Variants in GALNT17 observed in about 807,000 individuals in gnomAD.
GALNT17 encodes the protein polypeptide N-acetylgalactosaminyltransferase 17.
GALNT17 carries 29 observed loss-of-function variants against 63.7 expected under a neutral mutation model. The observed-to-expected ratio is 0.46, with a 90% CI of 0.34 to 0.62. The LOEUF (loss-of-function observed/expected upper bound fraction) is 0.62. GALNT17 is among the 20% of genes least tolerant of loss of function. The pLI, the probability that GALNT17 is intolerant of heterozygous loss-of-function variation, is 0.01. For missense variants in GALNT17, 603 were observed against 799.6 expected (o/e 0.75, Z 2.97); for synonymous variants, 305 against 318.3 (o/e 0.96, Z 0.45).
intron 5 of GALNT17, among the ~76,000 whole-genome samples, chr7:71,554,230 T>C (rs1446725035): frequency 1.3e-5 from 2 of 151,992 alleles, no homozygotes; most frequent in Admixed American, 1.3e-4. Flanking sequence ...CAGTGGGAGG[T>C]AGTTGAATCC....
chr7:71,212,153 G>A (rs1294578307), intron 1 of GALNT17, among the ~76,000 whole-genome samples: 4 of 152,174 alleles, frequency 2.6e-5, no homozygotes, highest in African/African-American at 9.6e-5. Context: ...CCTGGCCCAG[G>A]GTCCCTGTGC....
In GALNT17 at chr7:71,625,287, G is replaced by C. The variant is rs558100771; in HGVS notation, c.1081-40124G>C. Among the ~76,000 whole-genome samples the C allele has an allele frequency of 2.0e-5, 3 of 152,196 alleles. No individual in the cohort carries two copies. The East Asian group carries it at 5.8e-4, about 30-fold the overall frequency. ...AGCCTCCCGAGTAGCTGGAATTACA[G>C]ATGTGTGCCACCACACCTGGCCAAT... On this transcript the variant is annotated intron_variant, in intron 6 of 10. Coordinates refer to ENST00000333538, the MANE Select transcript of GALNT17 (RefSeq NM_022479.3).
chr7:71,151,562 A>C (rs2116216024), intron 1 of GALNT17, among the ~76,000 whole-genome samples: 1 of 151,552 alleles, frequency 6.6e-6, no homozygotes, highest in Middle Eastern at 3.4e-3. Context: ...CAGAGCTTGC[A>C]GTGAGCCGAG....
intron 5 of GALNT17, among the ~76,000 whole-genome samples, chr7:71,479,012 C>G (rs1787769700): frequency 6.6e-6 from 1 of 152,190 alleles, no homozygotes; most frequent in South Asian, 2.1e-4. Context: ...GGAAATATCT[C>G]AGAGACCAAA....
chr7:71,493,811 G>T (rs891334603), intron 5 of GALNT17, among the ~76,000 whole-genome samples: 1 of 152,096 alleles, frequency 6.6e-6, no homozygotes, highest in Non-Finnish European at 1.5e-5. Context: ...CTCCTTGCCT[G>T]TCTTTACCTG....
intron 1 of GALNT17, among the ~76,000 whole-genome samples, chr7:71,299,270 G>A (rs1791146847): frequency 6.6e-6 from 1 of 152,130 alleles, no homozygotes; most frequent in South Asian, 2.1e-4. Flanking sequence ...CTCTTGGATG[G>A]TGTTTTAATC....
intron 1 of GALNT17, among the ~76,000 whole-genome samples, chr7:71,320,413 A>AC (rs1476822592): frequency 1.3e-5 from 2 of 151,770 alleles, no homozygotes; most frequent in Non-Finnish European, 2.9e-5. Flanking sequence ...ATTTTGAAAA[A>AC]AAAAAAAAAA....
chr7:71,302,424 G>T (rs1288541051), intron 1 of GALNT17, among the ~76,000 whole-genome samples: 1 of 152,198 alleles, frequency 6.6e-6, no homozygotes, highest in Non-Finnish European at 1.5e-5. Context: ...CTGGCATGGG[G>T]CTTCAGCTGT....
chr7:71,514,404 G>C lies in GALNT17; in HGVS notation c.963-56881G>C, dbSNP rs111943442. Among the ~76,000 whole-genome samples, 523 of 152,150 alleles carry C rather than the reference G, an allele frequency of 3.4e-3. 3 individuals carry two copies. Among genetic ancestry groups the C allele is most frequent in the African/African-American group, 0.012 (486 of 41,490 alleles). On this transcript the variant is annotated intron_variant, in intron 5 of 10. Transcript: ENST00000333538. ...GAACCCTATTGAGCTCATAAACAGT[G>C]GGGGGTGGAGGGCCCTTTTTGGGAC...
intron 6 of GALNT17, among the ~76,000 whole-genome samples, chr7:71,609,215 G>A (rs1039785930): frequency 1.3e-5 from 2 of 152,270 alleles, no homozygotes; most frequent in Admixed American, 6.5e-5. Flanking sequence ...GCATTGGTTC[G>A]TTTATTCTGA....
At chr7:71,694,105 T>C (rs895768879) in intron 9 of GALNT17, among the ~76,000 whole-genome samples, 2 of 152,222 alleles carry the variant, frequency 1.3e-5, no homozygotes, top group Non-Finnish European at 2.9e-5. Flanking sequence ...TCTTCCCTGG[T>C]GGCAGACAAG....
chr7:71,598,124 A>G (rs1266258894), intron 6 of GALNT17, among the ~76,000 whole-genome samples: 1 of 151,948 alleles, frequency 6.6e-6, no homozygotes, highest in South Asian at 2.1e-4. Context: ...TTGTATTTTT[A>G]GTAGAGATGG....
intron 2 of GALNT17, among the ~76,000 whole-genome samples, chr7:71,369,807 T>C (rs1401867161): frequency 7.6e-6 from 1 of 132,390 alleles, no homozygotes; most frequent in Non-Finnish European, 1.6e-5. Context: ...GTGAGGCTTT[T>C]TGTCAAAAAA....
intron 1 of GALNT17, among the ~76,000 whole-genome samples, chr7:71,142,272 G>A (rs1039461292): frequency 3.3e-5 from 5 of 152,206 alleles, no homozygotes; most frequent in African/African-American, 1.2e-4. Context: ...GAGGTGAGAG[G>A]GGGTCCTTTT....
intron 5 of GALNT17, among the ~76,000 whole-genome samples, chr7:71,477,861 T>C (rs1027250987): frequency 2.0e-5 from 3 of 152,152 alleles, no homozygotes; most frequent in Non-Finnish European, 4.4e-5. Flanking sequence ...CCTATGGGGT[T>C]TCCAACCCCA....
chr7:71,144,531 C>A (rs544139317), intron 1 of GALNT17, among the ~76,000 whole-genome samples: 1 of 152,238 alleles, frequency 6.6e-6, no homozygotes, highest in African/African-American at 2.4e-5. Flanking sequence ...TGGAAGGATA[C>A]ATTTGTAATG....
intron 6 of GALNT17, among the ~76,000 whole-genome samples, chr7:71,653,356 C>T (rs1222006176): frequency 6.6e-6 from 1 of 151,698 alleles, no homozygotes; most frequent in Non-Finnish European, 1.5e-5. Flanking sequence ...AGGTTACAGG[C>T]AAAGTCAGAA....
At position 71,336,239 on chromosome 7, in the gene GALNT17, T is replaced by A. The variant is rs542397064; in HGVS notation, c.422+506T>A. The stretch of plus-strand genomic sequence containing the variant: ...TTTGTATTTTTAGTAGAGATGGGAT[T>A]TTATGCCTTTGGTCAGGCTGATCTC... On this transcript the variant is annotated intron_variant, in intron 2 of 10. Coordinates refer to ENST00000333538, the MANE Select transcript of GALNT17 (RefSeq NM_022479.3). 4.6e-5 allele frequency among the ~76,000 whole-genome samples: 7 copies of A among 152,182 alleles called. No individual in the cohort carries two copies. The East Asian group carries it at 1.4e-3, about 30-fold the overall frequency.
chr7:71,349,411 C>T (rs1395438260), intron 2 of GALNT17, among the ~76,000 whole-genome samples: 2 of 152,054 alleles, frequency 1.3e-5, no homozygotes, highest in Admixed American at 6.6e-5. Context: ...GAAGAAATTC[C>T]GATCACCCAA....
Sources: allele counts gnomAD v4.1 joint callset (sites outside exome capture counted in the v4.1 genomes callset), GRCh38; gene constraint gnomAD v4.1.1; transcripts MANE v1.5; gene names NCBI Gene and HGNC (gene_info 2026-07-23, HGNC 2026-07-21).